The following EBF2 variants were observed in gnomAD, a reference collection of about 807,000 sequenced individuals.
The protein encoded by EBF2 is transcription factor COE2.
Under a neutral mutation model 72.8 loss-of-function variants are expected in EBF2, and 21 were observed. The ratio of observed to expected loss-of-function variants is 0.29; its 90% CI spans 0.20 to 0.42. EBF2 has a LOEUF of 0.42. Among genes scored for constraint, EBF2 ranks in the 10% least tolerant of loss-of-function variants. EBF2 has a pLI of 1.00. For synonymous variants in EBF2, 299 were observed against 274.2 expected, an observed-to-expected ratio of 1.09 and a Z score of -0.89; for missense variants, 637 against 731.2, an observed-to-expected ratio of 0.87 and a Z score of 1.49.
chr8:26,043,328 G>A (rs548142135), intron 1 of EBF2, among the ~76,000 whole-genome samples: 32 of 152,354 alleles, frequency 2.1e-4, no homozygotes, highest in Non-Finnish European at 4.1e-4. Context: ...CTTTTGAAAG[G>A]GGTAACATTT....
At chr8:25,952,419 A>G (rs1046907119) in intron 6 of EBF2, among the ~76,000 whole-genome samples, 1 of 152,060 alleles carries the variant, frequency 6.6e-6, no homozygotes, top group South Asian at 2.1e-4. Context: ...ATGCATTTTA[A>G]ATAAAAATAA....
chr8:26,000,650 C>T lies in EBF2; in HGVS notation c.551+32435G>A, dbSNP rs145757482. On this transcript the variant is annotated intron_variant, in intron 6 of 15. Transcript: ENST00000520164. ...TGAATGTCACACGAGGGAGCCAAGC[C>T]CAGATGACACTGTCATATGGAAACA... 7.2e-3 allele frequency among the ~76,000 whole-genome samples: 1,092 copies of T among 152,238 alleles called. 20 individuals carry two copies. Among genetic ancestry groups the T allele is most frequent in the Middle Eastern group, 0.02 (6 of 294 alleles).
At chr8:25,892,784 G>C (rs2117296291) in intron 7 of EBF2, among the ~76,000 whole-genome samples, 1 of 152,274 alleles carries the variant, frequency 6.6e-6, no homozygotes, top group South Asian at 2.1e-4. Flanking sequence ...ATATGTGACA[G>C]GGCCCAGAGA....
At chr8:25,890,453 A>G (rs998117256) in intron 7 of EBF2, among the ~76,000 whole-genome samples, 5 of 152,152 alleles carry the variant, frequency 3.3e-5, no homozygotes, top group African/African-American at 1.2e-4. Flanking sequence ...GCATCTAATG[A>G]GGGTGAGGGG....
chr8:26,033,289 C>A (rs932604460), intron 5 of EBF2, 136 bp from the exon 6 acceptor site: 8 of 784,622 alleles, frequency 1.0e-5, no homozygotes, highest in Non-Finnish European at 1.7e-5. Context: ...TGGCTTGATG[C>A]CTCCTTCTTG....
chr8:25,966,203 G>T (rs1365836880), intron 6 of EBF2, among the ~76,000 whole-genome samples: 1 of 152,216 alleles, frequency 6.6e-6, no homozygotes, highest in Non-Finnish European at 1.5e-5. Flanking sequence ...ATGATCCATG[G>T]TTTTCCAAGT....
intron 7 of EBF2, among the ~76,000 whole-genome samples, chr8:25,896,984 C>T (rs562673238): frequency 1.3e-5 from 2 of 152,186 alleles, no homozygotes; most frequent in African/African-American, 4.8e-5. Flanking sequence ...ACACCTACCC[C>T]ACAAGCATGG....
Position 26,044,801 on chromosome 8 carries a change from C to G in EBF2, c.59G>C (p.Gly20Ala). 10 of 1,614,164 alleles carry G rather than the reference C, an allele frequency of 6.2e-6. No individual in the cohort carries two copies. Among genetic ancestry groups the G allele is most frequent in the Non-Finnish European group, 8.5e-6 (10 of 1,180,026 alleles). ...RGPTLKEKSL[G>A]AEMDSVRSWV... ...GGACCTGACCGAATCCATCTCCGCG[C>G]CCAGCGATTTCTCTTTCAGAGTTGG... Residue 20 changes from glycine (G) to alanine (A), a missense_variant, in exon 1 of 16, where the codon GGC becomes GCC. Physicochemically the swap from Gly to Ala is moderately conservative, Grantham distance 60. Coordinates refer to ENST00000520164, the MANE Select transcript of EBF2 (RefSeq NM_022659.4). The surrounding 1 kb of genome is among the most constrained non-coding windows in gnomAD (Gnocchi z 4.1).
intron 10 of EBF2, among the ~76,000 whole-genome samples, chr8:25,881,057 A>G (rs1025984535): frequency 6.6e-6 from 1 of 151,866 alleles, no homozygotes; most frequent in Non-Finnish European, 1.5e-5. Context: ...CACCACCAGC[A>G]CTCTGCTCCA....
At chr8:25,969,250 C>T (rs1307279929) in intron 6 of EBF2, among the ~76,000 whole-genome samples, 1 of 152,230 alleles carries the variant, frequency 6.6e-6, no homozygotes, top group East Asian at 1.9e-4. Context: ...CTCTCTGTCC[C>T]ATTCATGAAT....
chr8:25,975,208 G>T (rs1804249658), intron 6 of EBF2, among the ~76,000 whole-genome samples: 1 of 152,142 alleles, frequency 6.6e-6, no homozygotes, highest in Admixed American at 6.5e-5. Flanking sequence ...CTCAGCCCGG[G>T]TGAGCAGGGA....
At chr8:25,919,888 A>G (rs1036271758) in intron 6 of EBF2, among the ~76,000 whole-genome samples, 6 of 152,212 alleles carry the variant, frequency 3.9e-5, no homozygotes, top group Admixed American at 2.0e-4. Context: ...CACCTGGAAA[A>G]GGCTGTCACA....
At chr8:25,845,947 TCTCTCTC>T (rs985857154) in intron 15 of EBF2, among the ~76,000 whole-genome samples, 4 of 152,150 alleles carry the variant, frequency 2.6e-5, no homozygotes, top group African/African-American at 9.7e-5. Flanking sequence ...CCCTTCCATC[TCTCTCTC>T]CTCTCTTACT....
chr8:25,884,667 G>A (rs906340879), intron 10 of EBF2, among the ~76,000 whole-genome samples: 3 of 152,170 alleles, frequency 2.0e-5, no homozygotes, highest in African/African-American at 7.2e-5. Context: ...TGGCAGGCAG[G>A]TCATAAATAC....
chr8:25,863,307 T>G (rs1306037784), intron 10 of EBF2, among the ~76,000 whole-genome samples: 1 of 152,106 alleles, frequency 6.6e-6, no homozygotes, highest in East Asian at 1.9e-4. Context: ...AATTTTCAAT[T>G]ATATTTAATT....
chr8:25,850,047 C>A (rs1437020739), intron 15 of EBF2, among the ~76,000 whole-genome samples: 2 of 152,132 alleles, frequency 1.3e-5, no homozygotes, highest in African/African-American at 4.8e-5. Context: ...GTTGTATTAA[C>A]CATGGTTAAT....
intron 7 of EBF2, among the ~76,000 whole-genome samples, chr8:25,890,439 T>G (rs1224935173): frequency 6.6e-6 from 1 of 152,142 alleles, no homozygotes; most frequent in East Asian, 1.9e-4. Context: ...ATAGAGGATG[T>G]GTAGCATCTA....
intron 6 of EBF2, among the ~76,000 whole-genome samples, chr8:26,005,293 A>T (rs1563205578): frequency 0.18 from 413 of 2,322 alleles, 27 homozygotes; most frequent in South Asian, 0.32. Flanking sequence ...ATAATTATAT[A>T]ATTATATATA....
intron 6 of EBF2, among the ~76,000 whole-genome samples, chr8:25,924,762 G>A (rs1043632755): frequency 1.3e-5 from 2 of 152,190 alleles, no homozygotes; most frequent in Non-Finnish European, 2.9e-5. Context: ...ATGATCAGAC[G>A]TCTAAACCTG....
Sources: gnomAD v4.1 joint callset for allele counts (sites outside exome capture counted in the v4.1 genomes callset) on GRCh38, gnomAD v4.1.1 for gene constraint, Gnocchi (gnomAD v3.1) non-coding constraint, MANE v1.5 for transcripts, NCBI Gene and HGNC (gene_info 2026-07-23, HGNC 2026-07-21) for gene names.